The following PDE4D variants were observed in gnomAD, a reference collection of about 807,000 sequenced individuals.
PDE4D encodes the protein 3',5'-cyclic-AMP phosphodiesterase 4D.
In PDE4D, 24 loss-of-function variants were observed where a neutral mutation model predicts 87.4. The observed-to-expected ratio is 0.27, with a 90% confidence interval of 0.20 to 0.39. The LOEUF (loss-of-function observed/expected upper bound fraction) is 0.39, where lower values mean the gene tolerates loss of function less well. PDE4D is among the 10% of genes least tolerant of loss of function. The probability of loss-of-function intolerance (pLI) is 1.00; values close to 1 mark genes in which losing one functional copy is unlikely to be tolerated. For synonymous variants in PDE4D, 384 were observed against 383.2 expected (o/e 1.00, Z -0.02); for missense variants, 714 against 1,041.0 (o/e 0.69, Z 4.32).
intron 1 of PDE4D, among the ~76,000 whole-genome samples, chr5:59,369,499 G>A (rs1783612914): frequency 6.6e-6 from 1 of 152,146 alleles, no homozygotes; most frequent in South Asian, 2.1e-4. Context: ...GTTAGGTGAT[G>A]GAGAAGTGGG....
At chr5:59,585,679 T>C (rs1825002319) in intron 1 of PDE4D, among the ~76,000 whole-genome samples, 3 of 152,214 alleles carry the variant, frequency 2.0e-5, no homozygotes, top group Admixed American at 2.0e-4. Context: ...TGATATCACA[T>C]GTCCAGGGAC....
chr5:59,481,606 A>G (rs1370298112), intron 1 of PDE4D, among the ~76,000 whole-genome samples: 1 of 152,050 alleles, frequency 6.6e-6, no homozygotes, highest in Non-Finnish European at 1.5e-5. Flanking sequence ...CCAGCGGTAG[A>G]GTTTTAAAAT....
chr5:60,090,156 A>C (rs1292294123), intron 2 of PDE4D, among the ~76,000 whole-genome samples: 1 of 149,818 alleles, frequency 6.7e-6, no homozygotes, highest in Non-Finnish European at 1.5e-5. Flanking sequence ...GAATACTTCT[A>C]AACTATACTT....
Position 60,197,085 on chromosome 5 carries a change from A to T in PDE4D, c.-89-11398T>A, listed in dbSNP as rs201891901. ...GATAGATAGATAGACAGTTAGATAG[A>T]TAGATAGATAGATAGATAGATAGAT... On this transcript the variant is annotated intron_variant, in intron 1 of 16. Coordinates refer to the PDE4D transcript ENST00000502484. Among the ~76,000 whole-genome samples the T allele has an allele frequency of 4.1e-3, 544 of 132,646 alleles. 11 individuals carry two copies. Among genetic ancestry groups the T allele is most frequent in the African/African-American group, 0.01 (331 of 32,726 alleles). 87.0% of individuals were successfully genotyped at this position (132,646 alleles called of 152,430 possible).
chr5:60,470,719 C>T (rs1747752045), intron 1 of PDE4D, among the ~76,000 whole-genome samples: 1 of 152,080 alleles, frequency 6.6e-6, no homozygotes, highest in African/African-American at 2.4e-5. Context: ...GACTAGATGA[C>T]AGCACATCTG....
At chr5:60,209,114 A>G (rs1175188793) in intron 1 of PDE4D, among the ~76,000 whole-genome samples, 1 of 151,914 alleles carries the variant, frequency 6.6e-6, no homozygotes, top group Non-Finnish European at 1.5e-5. Context: ...ACCTCTATGT[A>G]CAGTCAAATA....
intron 2 of PDE4D, among the ~76,000 whole-genome samples, chr5:59,195,490 T>C (rs1745272781): frequency 1.3e-5 from 2 of 152,142 alleles, no homozygotes; most frequent in Non-Finnish European, 2.9e-5. Context: ...GAGAATGCCA[T>C]GGAAGGCAGG....
intron 1 of PDE4D, among the ~76,000 whole-genome samples, chr5:60,237,957 C>T (rs1332265820): frequency 6.6e-6 from 1 of 151,850 alleles, no homozygotes; most frequent in Non-Finnish European, 1.5e-5. Flanking sequence ...GTGTATCCTT[C>T]CCTCTCTGAG....
chr5:59,507,313 A>G (rs1809434985), intron 1 of PDE4D, among the ~76,000 whole-genome samples: 1 of 151,808 alleles, frequency 6.6e-6, no homozygotes, highest in Admixed American at 6.6e-5. Flanking sequence ...GCCTGGGCAA[A>G]GCAGTGGAAC....
At chr5:59,822,038 T>A (rs1504985) in intron 1 of PDE4D, among the ~76,000 whole-genome samples, 19,266 of 152,232 alleles carry the variant, frequency 0.13, 1,578 homozygotes, top group Middle Eastern at 0.23. Context: ...AAATTTTAAA[T>A]GTTTCCCACA....
At chr5:59,922,811 C>T (rs1302427539) in intron 3 of PDE4D, among the ~76,000 whole-genome samples, 1 of 151,844 alleles carries the variant, frequency 6.6e-6, no homozygotes, top group African/African-American at 2.4e-5. Context: ...ACTGCTTCTG[C>T]TTGAGAAAAG....
chr5:59,887,487 C>T (rs781684860), intron 1 of PDE4D, among the ~76,000 whole-genome samples: 11 of 152,142 alleles, frequency 7.2e-5, no homozygotes, highest in Non-Finnish European at 1.5e-4. Flanking sequence ...TAGCAGCATT[C>T]AAGTTATAGA....
At chr5:60,040,252 A>G (rs549342277) in intron 2 of PDE4D, among the ~76,000 whole-genome samples, 5 of 152,184 alleles carry the variant, frequency 3.3e-5, no homozygotes, top group Admixed American at 1.3e-4. Context: ...CTTTTTTGGT[A>G]CTAGTGTGCT....
At chr5:59,058,799 G>A (rs1003130783) in intron 5 of PDE4D, among the ~76,000 whole-genome samples, 1 of 152,082 alleles carries the variant, frequency 6.6e-6, no homozygotes, top group Non-Finnish European at 1.5e-5. Flanking sequence ...ACTTCCGTAA[G>A]TTTAAGTCTT....
At chr5:59,098,142 G>T (rs143120678) in intron 5 of PDE4D, among the ~76,000 whole-genome samples, 114 of 152,178 alleles carry the variant, frequency 7.5e-4, no homozygotes, top group African/African-American at 2.7e-3. Context: ...AACATTGGTG[G>T]TTTTTTCTTC....
At chr5:60,187,648 A>G (rs927072954) in intron 1 of PDE4D, among the ~76,000 whole-genome samples, 7 of 152,198 alleles carry the variant, frequency 4.6e-5, no homozygotes, top group African/African-American at 1.7e-4. Context: ...TTTAAAGACC[A>G]TCATTAAGAG....
intron 1 of PDE4D, among the ~76,000 whole-genome samples, chr5:60,444,903 C>T (rs1196864206): frequency 1.5e-5 from 2 of 132,908 alleles, no homozygotes; most frequent in African/African-American, 5.5e-5. Flanking sequence ...GCTATCAATC[C>T]TCTACTCAGA....
intron 2 of PDE4D, among the ~76,000 whole-genome samples, chr5:59,200,017 GCA>G (rs2153491937): frequency 9.6e-6 from 1 of 103,718 alleles, no homozygotes; most frequent in South Asian, 3.1e-4. Flanking sequence ...ATACATACAT[GCA>G]CATATACATA....
At chr5:59,244,668 ATGTGTGTGTGTCTG>A (rs879667686) in intron 1 of PDE4D, among the ~76,000 whole-genome samples, 4,762 of 106,952 alleles carry the variant, frequency 0.045, 119 homozygotes, top group Middle Eastern at 0.086. Context: ...ATATGTATGT[ATGTGTGTGTGTCTG>A]TGTGTGTGTG....
Sources: allele counts gnomAD v4.1 joint callset (sites outside exome capture counted in the v4.1 genomes callset), GRCh38; gene constraint gnomAD v4.1.1; transcripts MANE v1.5; gene names NCBI Gene and HGNC (gene_info 2026-07-23, HGNC 2026-07-21).